The following OVGP1 variants were observed in gnomAD, a reference collection of about 807,000 sequenced individuals.
OVGP1 encodes oviductal glycoprotein 1, also known as oviduct-specific glycoprotein.
A neutral mutation model predicts 48.2 loss-of-function variants in OVGP1; 26 were observed. The ratio of observed to expected loss-of-function variants is 0.54; its 90% confidence interval spans 0.40 to 0.75. The LOEUF (loss-of-function observed/expected upper bound fraction) is 0.75, where lower values mean the gene tolerates loss of function less well. Ranked by LOEUF, OVGP1 falls within the 30% of genes least tolerant of loss-of-function variation. The pLI is 0.00. For missense variants in OVGP1, 791 were observed against 820.6 expected (o/e 0.96, Z 0.44); for synonymous variants, 294 against 305.7 (o/e 0.96, Z 0.40).
chr1:111,423,533 C>G lies in OVGP1; in HGVS notation c.483+10G>C, dbSNP rs773697207. ...ATTTCTGGATTCTGGCGCTTCTAGA[C>G]CAGACTTACTTCAATTAAGAAGAGA... is the stretch of plus-strand genomic sequence containing the variant. On this transcript the variant is annotated intron_variant, in intron 5 of 10. Transcript: ENST00000369732. 113 of 1,613,148 alleles carry G rather than the reference C, an allele frequency of 7.0e-5. No homozygotes were observed. The highest frequency in any genetic ancestry group is 9.2e-5 in the Non-Finnish European group (108 of 1,179,694).
chr1:111,424,599 C>CGT (rs1652354539), intron 4 of OVGP1, among the ~76,000 whole-genome samples: 1 of 152,178 alleles, frequency 6.6e-6, no homozygotes, highest in Non-Finnish European at 1.5e-5. Flanking sequence ...CGGGATAATG[C>CGT]GTGTACAGCC....
Position 111,423,030 on chromosome 1 carries a change from T to G in OVGP1, c.505A>C (p.Lys169Gln). 1 of 1,613,960 alleles carries G rather than the reference T, an allele frequency of 6.2e-7. No individual in the cohort carries two copies. Among genetic ancestry groups the G allele is most frequent in the Non-Finnish European group, 8.5e-7 (1 of 1,179,996 alleles). ...LIEELLFAFR[K>Q]EALLTMRPRL... is the part of the protein sequence containing the mutation. ...GGGCGCATGGTGAGCAGTGCCTCCT[T>G]CCGGAAGGCAAACAGGAGCTCCTAA... Residue 169 changes from lysine to glutamine, a missense_variant, in exon 6 of 11, where the codon AAG becomes CAG. Coordinates refer to ENST00000369732, the MANE Select transcript of OVGP1 (RefSeq NM_002557.4).
rs188495813 is a variant in OVGP1, at chr1:111,422,099, C to T, written c.609-426G>A. 2.9e-3 allele frequency among the ~76,000 whole-genome samples: 444 copies of T among 152,316 alleles called. 6 individuals are homozygous for T. Among genetic ancestry groups the T allele is most frequent in the Non-Finnish European group, 4.1e-3 (276 of 68,024 alleles). Reference sequence around the variant, plus strand: ...AGGGATAAGGGTTTACACTGATTATCTAATTTAATTTTAATCTGGCTAATT... The same window carrying T: ...AGGGATAAGGGTTTACACTGATTATTTAATTTAATTTTAATCTGGCTAATT... On this transcript the variant is annotated intron_variant, in intron 6 of 10. Transcript: ENST00000369732.
chr1:111,426,378 C>T (rs886473582), intron 3 of OVGP1, 59 bp downstream of exon 3: 4 of 1,610,380 alleles, frequency 2.5e-6, no homozygotes, highest in African/African-American at 1.3e-5. Flanking sequence ...GAGAAATAGA[C>T]TGTTATCTTA....
At chr1:111,416,638 C>T (rs1652144485) in intron 9 of OVGP1, 180 bp from the exon 10 acceptor site, 1 of 455,806 alleles carries the variant, frequency 2.2e-6, no homozygotes, top group Non-Finnish European at 3.8e-6. Context: ...AGTTATGTAA[C>T]CCTTATGTGT....
chr1:111,415,000 ATTG>A lies in OVGP1; in HGVS notation c.1498_1500del (p.Gln500del). The A allele has an allele frequency of 6.3e-7, 1 of 1,599,834 alleles. No homozygotes were observed. Among genetic ancestry groups the A allele is most frequent in the Non-Finnish European group, 8.5e-7 (1 of 1,170,084 alleles). ...AGGGTCTTCTGTCCAGTGGTCACAG[ATTG>A]ATGACCCACAGGGGTCAGGGCCTTC... is the stretch of plus-strand genomic sequence containing the variant. On this transcript the variant is annotated inframe_deletion, in exon 11 of 11. Transcript: ENST00000369732.
chr1:111,423,336 G>C (rs1044063943), intron 5 of OVGP1, among the ~76,000 whole-genome samples: 2 of 152,214 alleles, frequency 1.3e-5, no homozygotes, highest in African/African-American at 4.8e-5. Context: ...CATCCCTTAG[G>C]CTGGAGGACT....
rs760317957 is a variant in OVGP1 at position 111,415,325 on chromosome 1, T to C, written c.1176A>G (p.Leu392=). 6 of 1,611,226 alleles carry C rather than the reference T, an allele frequency of 3.7e-6. No homozygotes were observed. The South Asian group carries it at 5.5e-5, about 15-fold the overall frequency. ...CAGCAGATGACAGCCAAAATTGTGG[T>C]AAAGAAGTTGAACTGAACTCTAGAG... The part of the protein sequence containing the change: ...LVRAEFSSTS[L]PQFWLSSAVN... Residue 392 remains leucine, a synonymous_variant, in exon 11 of 11, where the codon TTA becomes TTG. Transcript: ENST00000369732.
chr1:111,424,783 G>C (rs1652357674), intron 4 of OVGP1, among the ~76,000 whole-genome samples: 1 of 152,188 alleles, frequency 6.6e-6, no homozygotes, highest in African/African-American at 2.4e-5. Flanking sequence ...ATGCCTTTAA[G>C]GCAACAAGGC....
In OVGP1 at chr1:111,415,227, G is replaced by A. The variant is rs767392924; in HGVS notation, c.1274C>T (p.Pro425Leu). 2 of 1,614,138 alleles carry A rather than the reference G, an allele frequency of 1.2e-6. No homozygotes were observed. Among genetic ancestry groups the A allele is most frequent in the South Asian group, 1.1e-5 (1 of 91,076 alleles). ...TAWTTDSKIL[P>L]PGGEAGVTEI... ...AGTGACCCCAGCCTCTCCTCCTGGG[G>A]GCAAAATCTTACTATCAGTGGTCCA... The change falls in exon 11 of 11, where the codon CCC becomes CTC. Residue 425 changes from proline (P) to leucine (L), a missense_variant. Coordinates refer to ENST00000369732, the MANE Select transcript of OVGP1 (RefSeq NM_002557.4).
rs755206237 is a variant in OVGP1, at chr1:111,421,441, C to CTGAGGGTG, written c.737_738insCACCCTCA (p.Trp246CysfsTer102). 79 of 1,611,184 alleles carry CTGAGGGTG rather than the reference C, an allele frequency of 4.9e-5. No individual in the cohort carries two copies. Among genetic ancestry groups the CTGAGGGTG allele is most frequent in the Non-Finnish European group, 6.3e-5 (74 of 1,178,938 alleles). On this transcript the variant is annotated frameshift_variant, in exon 8 of 11. Transcript: ENST00000369732. LOFTEE classifies it high-confidence loss of function. ...TCTCTGAGGGTGCCCCAAGCTTTCT[C>CTGAGGGTG]CAATAATTCATAGCATATGCCTGCA...
At chr1:111,419,463 A>G in intron 9 of OVGP1, 147 bp downstream of exon 9, 1 of 649,534 alleles carries the variant, frequency 1.5e-6, no homozygotes, top group Non-Finnish European at 2.8e-6. Context: ...AGTTAGAACT[A>G]AAATGTAGGC....
intron 2 of OVGP1, 198 bp from the exon 3 acceptor site, chr1:111,426,839 G>C: frequency 6.5e-7 from 1 of 1,547,732 alleles, no homozygotes. Flanking sequence ...AGAAAACAAT[G>C]CCTTGTGAAA....
rs1184605429 is a variant in OVGP1 at position 111,421,202 on chromosome 1, C to G, written c.903+74G>C. On this transcript the variant is annotated intron_variant, in intron 8 of 10. Coordinates refer to ENST00000369732, the MANE Select transcript of OVGP1 (RefSeq NM_002557.4). Reference sequence around the variant, plus strand: ...TACAGCTCTCACCCTTGCCATTGCCCCTTGTCCTGGCCTTTGCTCCAGCTG... The same window carrying G: ...TACAGCTCTCACCCTTGCCATTGCCGCTTGTCCTGGCCTTTGCTCCAGCTG... 9 of 1,419,874 alleles carry G rather than the reference C, an allele frequency of 6.3e-6. No individual in the cohort carries two copies. The East Asian group carries it at 1.8e-4, about 29-fold the overall frequency. 88.0% of individuals were successfully genotyped at this position (1,419,874 alleles called of 1,614,324 possible).
chr1:111,414,853 C>G lies in OVGP1; in HGVS notation c.1648G>C (p.Val550Leu), dbSNP rs1557781045. The stretch of plus-strand genomic sequence containing the variant: ...CTAAGGGTCTCAGTCTGAAAATGGA[C>G]AGGGGTCATAGTCGTTCCTCCAGGG... ...VSPGGTTMTP[V>L]HFQTETLRQN... The change falls in exon 11 of 11, where the codon GTC becomes CTC. Residue 550 changes from valine (V) to leucine (L), a missense_variant. By Grantham distance (32) the Val-to-Leu change is conservative. Transcript: ENST00000369732. 6.3e-7 allele frequency: 1 copy of G among 1,595,208 alleles called. No homozygotes were observed. Among genetic ancestry groups the G allele is most frequent in the Non-Finnish European group, 8.6e-7 (1 of 1,167,046 alleles).
chr1:111,422,860 G>C, intron 6 of OVGP1, 67 bp downstream of exon 6: 2 of 1,582,626 alleles, frequency 1.3e-6, no homozygotes, highest in Non-Finnish European at 1.7e-6. Flanking sequence ...GGGAAGCTCT[G>C]GGGTTCTGAG....
At chr1:111,424,509 T>C (rs1287056146) in intron 4 of OVGP1, among the ~76,000 whole-genome samples, 1 of 152,212 alleles carries the variant, frequency 6.6e-6, no homozygotes, top group Non-Finnish European at 1.5e-5. Context: ...TCTGGCAAGT[T>C]CCTTAATAAC....
Position 111,419,654 on chromosome 1 carries a change from T to G in OVGP1, c.976A>C (p.Lys326Gln), listed in dbSNP as rs1273464129. 2 of 1,613,524 alleles carry G rather than the reference T, an allele frequency of 1.2e-6. No individual in the cohort carries two copies. Among genetic ancestry groups the G allele is most frequent in the Non-Finnish European group, 1.7e-6 (2 of 1,179,446 alleles). ...GCATTGTCATAGCCAACCCACTCTT[T>G]CCCCTTGTTGGCATACGGGACATAC... The part of the protein sequence containing the change: ...YQYVPYANKG[K>Q]EWVGYDNAIS... Residue 326 changes from lysine (K) to glutamine (Q), a missense_variant, in exon 9 of 11, where the codon AAA becomes CAA. Lys to Gln is a moderately conservative substitution (Grantham distance 53, BLOSUM62 1). Coordinates refer to ENST00000369732, the MANE Select transcript of OVGP1 (RefSeq NM_002557.4).
In OVGP1 at chr1:111,419,743, C is replaced by T. The variant is rs1253922261; in HGVS notation, c.904-17G>A. On this transcript the variant is annotated splice_polypyrimidine_tract_variant and intron_variant, in intron 8 of 10. Coordinates refer to ENST00000369732, the MANE Select transcript of OVGP1 (RefSeq NM_002557.4). ...GGAACAAATCTGCCAAGAGGACCAC[C>T]AGGTTAGTTCTGGGAAGTGCCATGG... 2 of 1,503,632 alleles carry T rather than the reference C, an allele frequency of 1.3e-6. No homozygotes were observed. The highest frequency in any genetic ancestry group is 1.8e-6 in the Non-Finnish European group (2 of 1,081,220). The allele number at this position is 1,503,632 out of a possible 1,614,324, so 93.1% of individuals were successfully genotyped here. A position where few individuals can be genotyped will look rare whatever the true frequency, so the allele number is the denominator to read the frequency against.
Sources: gnomAD v4.1 joint callset for allele counts (sites outside exome capture counted in the v4.1 genomes callset) on GRCh38, gnomAD v4.1.1 for gene constraint, MANE v1.5 for transcripts, NCBI Gene and HGNC (gene_info 2026-07-23, HGNC 2026-07-21) for gene names.